AFG1L: variants seen among roughly 807,000 people sequenced by gnomAD.
AFG1L encodes AFG1 like ATPase, also known as AFG1-like ATPase.
A neutral mutation model predicts 62.2 loss-of-function variants in AFG1L; 53 were observed. That is an observed-to-expected ratio of 0.85 (90% CI 0.68 to 1.07). The LOEUF (loss-of-function observed/expected upper bound fraction) is 1.07. Ranked by LOEUF, AFG1L falls within the 50% of genes least tolerant of loss-of-function variation. The probability of loss-of-function intolerance (pLI) is 0.00; values close to 1 mark genes in which losing one functional copy is unlikely to be tolerated. For synonymous variants in AFG1L, 228 were observed against 210.3 expected, an observed-to-expected ratio of 1.08 and a Z score of -0.73; for missense variants, 555 against 590.5, an observed-to-expected ratio of 0.94 and a Z score of 0.62.
rs374780795 is a variant in AFG1L, at chr6:108,507,530, G to A, written c.1063-2682G>A. Reference sequence around the variant, plus strand: ...AAAATAGCTGAATGGGCAAAATTCTGATTTTTCAGTTGCCCTAGGCACTTC... The same window carrying A: ...AAAATAGCTGAATGGGCAAAATTCTAATTTTTCAGTTGCCCTAGGCACTTC... On this transcript the variant is annotated intron_variant, in intron 10 of 12. Coordinates refer to ENST00000368977, the MANE Select transcript of AFG1L (RefSeq NM_145315.5). Among the ~76,000 whole-genome samples, 21 of 152,242 alleles carry A rather than the reference G, an allele frequency of 1.4e-4. No individual in the cohort carries two copies. The South Asian group carries it at 4.1e-3, about 30-fold the overall frequency.
At chr6:108,472,535 A>G (rs1772936906) in intron 8 of AFG1L, among the ~76,000 whole-genome samples, 2 of 152,204 alleles carry the variant, frequency 1.3e-5, no homozygotes, top group Non-Finnish European at 2.9e-5. Flanking sequence ...TTTTAAACGA[A>G]TGTCCATTTG....
intron 7 of AFG1L, among the ~76,000 whole-genome samples, chr6:108,419,857 G>C (rs1225267963): frequency 6.6e-6 from 1 of 152,072 alleles, no homozygotes; most frequent in Non-Finnish European, 1.5e-5. Context: ...GTGATTTCCA[G>C]CTACAAACTT....
intron 1 of AFG1L, among the ~76,000 whole-genome samples, chr6:108,300,237 C>T (rs1265588507): frequency 6.6e-6 from 1 of 152,008 alleles, no homozygotes; most frequent in Non-Finnish European, 1.5e-5. Context: ...CAACCTCTGC[C>T]TCCTGGGTTC....
rs116003153 is a variant in AFG1L, at chr6:108,363,314, G to A, written c.649-2919G>A. The stretch of plus-strand genomic sequence containing the variant: ...AAGAGTTTGCTGTACTGATTATTTC[G>A]TCACCCAGGTACTAAGTCTAGTAGC... On this transcript the variant is annotated intron_variant, in intron 5 of 12. Transcript: ENST00000368977. Among the ~76,000 whole-genome samples, 1,371 of 151,942 alleles carry A rather than the reference G, an allele frequency of 9.0e-3. 16 individuals carry two copies. The highest frequency in any genetic ancestry group is 0.03 in the African/African-American group (1,251 of 41,448).
chr6:108,429,903 A>G lies in AFG1L; in HGVS notation c.808-17311A>G, dbSNP rs1362689953. ...TTCACAATATAGATTCTTCCAATCA[A>G]TGAGCATGGGAGGTAGTTTCATTTG... On this transcript the variant is annotated intron_variant, in intron 7 of 12. Transcript: ENST00000368977. Among the ~76,000 whole-genome samples, 8 of 152,082 alleles carry G rather than the reference A, an allele frequency of 5.3e-5. No homozygotes were observed. The East Asian group carries it at 1.2e-3, about 22-fold the overall frequency.
intron 8 of AFG1L, among the ~76,000 whole-genome samples, chr6:108,472,397 TCA>T (rs1412005744): frequency 6.6e-6 from 1 of 152,118 alleles, no homozygotes; most frequent in Non-Finnish European, 1.5e-5. Flanking sequence ...CCCCAACCCC[TCA>T]CACACAAAAG....
intron 6 of AFG1L, among the ~76,000 whole-genome samples, chr6:108,386,928 A>C (rs1780790795): frequency 6.6e-6 from 1 of 152,236 alleles, no homozygotes; most frequent in South Asian, 2.1e-4. Flanking sequence ...GAATTTTAAA[A>C]TGTATTCAAA....
chr6:108,401,894 C>T, intron 6 of AFG1L, 102 bp from the exon 7 acceptor site: 1 of 556,930 alleles, frequency 1.8e-6, no homozygotes. Context: ...GCTCCTTTAT[C>T]TTTTTTTTTA....
At position 108,498,930 on chromosome 6, in the gene AFG1L, C is replaced by T. The variant is rs545152408; in HGVS notation, c.1063-11282C>T. Among the ~76,000 whole-genome samples the T allele has an allele frequency of 8.5e-5, 13 of 152,054 alleles. No homozygotes were observed. The East Asian group carries it at 9.7e-4, about 11-fold the overall frequency. ...CAGAGACTGCAGTGAGCCAAGATTG[C>T]GCCACTGCACTCTAGCTTGGGTGAC... On this transcript the variant is annotated intron_variant, in intron 10 of 12. Transcript: ENST00000368977.
intron 10 of AFG1L, among the ~76,000 whole-genome samples, chr6:108,501,515 T>G (rs1774200973): frequency 1.3e-5 from 2 of 152,194 alleles, no homozygotes; most frequent in Non-Finnish European, 2.9e-5. Context: ...AAACATGTAT[T>G]TCTTGATCAT....
At chr6:108,390,211 G>T (rs567126211) in intron 6 of AFG1L, among the ~76,000 whole-genome samples, 1 of 151,936 alleles carries the variant, frequency 6.6e-6, no homozygotes, top group Non-Finnish European at 1.5e-5. Context: ...CATGATTTTC[G>T]GCTCCATCAG....
chr6:108,464,212 G>T (rs900829307), intron 8 of AFG1L, among the ~76,000 whole-genome samples: 2 of 152,194 alleles, frequency 1.3e-5, no homozygotes, highest in African/African-American at 4.8e-5. Context: ...GGTTCTTGAA[G>T]AAATTAATTT....
intron 8 of AFG1L, among the ~76,000 whole-genome samples, chr6:108,447,800 C>T (rs541797435): frequency 3.9e-5 from 6 of 151,994 alleles, no homozygotes; most frequent in Admixed American, 6.5e-5. Flanking sequence ...TGAGTAGGAG[C>T]GATTTATAAT....
At chr6:108,489,259 G>A (rs928227753) in intron 10 of AFG1L, among the ~76,000 whole-genome samples, 1 of 152,190 alleles carries the variant, frequency 6.6e-6, no homozygotes, top group Non-Finnish European at 1.5e-5. Flanking sequence ...TGGGAAAGGA[G>A]AGAACCACAG....
intron 11 of AFG1L, among the ~76,000 whole-genome samples, chr6:108,514,853 C>G (rs1231445257): frequency 6.6e-6 from 1 of 152,138 alleles, no homozygotes; most frequent in Admixed American, 6.5e-5. Context: ...CAATCCTAGT[C>G]TCTCATAAAA....
intron 1 of AFG1L, among the ~76,000 whole-genome samples, chr6:108,317,092 G>A (rs1164674934): frequency 1.3e-5 from 2 of 152,148 alleles, no homozygotes; most frequent in Non-Finnish European, 2.9e-5. Context: ...ATTCTTGTAA[G>A]GATATCAGTG....
chr6:108,299,785 G>T (rs1776908348), intron 1 of AFG1L, among the ~76,000 whole-genome samples: 1 of 152,006 alleles, frequency 6.6e-6, no homozygotes, highest in Non-Finnish European at 1.5e-5. Context: ...AAATAGAAGA[G>T]AAAAGAAAAG....
At chr6:108,501,786 T>G (rs1774215795) in intron 10 of AFG1L, among the ~76,000 whole-genome samples, 1 of 152,152 alleles carries the variant, frequency 6.6e-6, no homozygotes, top group Admixed American at 6.5e-5. Context: ...CAGGCATACC[T>G]TGGAGATATT....
At chr6:108,460,728 C>T (rs1043171956) in intron 8 of AFG1L, among the ~76,000 whole-genome samples, 6 of 152,202 alleles carry the variant, frequency 3.9e-5, no homozygotes, top group East Asian at 3.9e-4. Context: ...GAGGCCGAGG[C>T]GGGAGGATCA....
Sources: allele counts gnomAD v4.1 joint callset (sites outside exome capture counted in the v4.1 genomes callset), GRCh38; gene constraint gnomAD v4.1.1; transcripts MANE v1.5; gene names NCBI Gene and HGNC (gene_info 2026-07-23, HGNC 2026-07-21).